The following MYO5B variants were observed in gnomAD, a reference collection of about 807,000 sequenced individuals.
MYO5B encodes unconventional myosin-Vb.
Under a neutral mutation model 229.3 loss-of-function variants are expected in MYO5B, and 143 were observed. The ratio of observed to expected loss-of-function variants is 0.62; its 90% CI spans 0.54 to 0.72. MYO5B has a LOEUF of 0.72. MYO5B is among the 30% of genes least tolerant of loss of function. MYO5B has a pLI of 0.00. For synonymous variants in MYO5B, 918 were observed against 885.2 expected (o/e 1.04, Z -0.66); for missense variants, 2,321 against 2,331.0 (o/e 1.00, Z 0.09).
At chr18:50,121,447 T>C (rs2032056709) in intron 1 of MYO5B, among the ~76,000 whole-genome samples, 1 of 152,184 alleles carries the variant, frequency 6.6e-6, no homozygotes, top group African/African-American at 2.4e-5. Flanking sequence ...CATGTGAAAA[T>C]TGGATTTACC....
At chr18:50,106,062 C>T (rs2031754539) in intron 1 of MYO5B, among the ~76,000 whole-genome samples, 2 of 152,126 alleles carry the variant, frequency 1.3e-5, no homozygotes, top group African/African-American at 2.4e-5. Context: ...CTGCATCCTC[C>T]GCCTGCTCCC....
At chr18:50,121,379 C>T (rs769480246) in intron 1 of MYO5B, among the ~76,000 whole-genome samples, 9 of 152,192 alleles carry the variant, frequency 5.9e-5, no homozygotes, top group Non-Finnish European at 1.0e-4. Context: ...ATTATAGTAT[C>T]AATGACCTTC....
At chr18:49,875,166 A>G (rs1208791667) in intron 26 of MYO5B, among the ~76,000 whole-genome samples, 3 of 152,174 alleles carry the variant, frequency 2.0e-5, no homozygotes, top group African/African-American at 4.8e-5. Context: ...TTTTGGGGCT[A>G]CTAAGATTTC....
chr18:49,864,483 G>T (rs578082578), intron 27 of MYO5B, 103 bp from the exon 28 acceptor site: 4 of 1,514,034 alleles, frequency 2.6e-6, no homozygotes, highest in Non-Finnish European at 2.7e-6. Flanking sequence ...GGGAAACTTC[G>T]CTCTTTAAAC....
At chr18:50,126,425 G>C (rs1229627926) in intron 1 of MYO5B, 1 of 154,772 alleles carries the variant, frequency 6.5e-6, no homozygotes, top group Non-Finnish European at 1.5e-5. Flanking sequence ...ATTCAATTAA[G>C]GCAGAGACCA....
chr18:50,044,332 G>A (rs943006521), intron 2 of MYO5B, among the ~76,000 whole-genome samples: 13 of 152,126 alleles, frequency 8.5e-5, no homozygotes, highest in Non-Finnish European at 1.8e-4. Flanking sequence ...AGCTAATATG[G>A]TTTTATTTGA....
At chr18:50,142,846 C>A (rs1416759566) in intron 1 of MYO5B, among the ~76,000 whole-genome samples, 1 of 152,144 alleles carries the variant, frequency 6.6e-6, no homozygotes, top group East Asian at 1.9e-4. Context: ...CGAGGCATAC[C>A]ATGTGAAATC....
Position 50,149,843 on chromosome 18 carries a change from C to A in MYO5B, c.27+44924G>T, listed in dbSNP as rs186051906. ...CAAAATTGACAAATGGGATCTAATTCAACTAAAGTGCTTCTGCACAGCAAA... is the reference window on the plus strand; with the variant it reads ...CAAAATTGACAAATGGGATCTAATTAAACTAAAGTGCTTCTGCACAGCAAA... On this transcript the variant is annotated intron_variant, in intron 1 of 39. Coordinates refer to ENST00000285039, the MANE Select transcript of MYO5B (RefSeq NM_001080467.3). Among the ~76,000 whole-genome samples the A allele has an allele frequency of 3.9e-3, 593 of 151,798 alleles. 6 individuals are homozygous for A. Among genetic ancestry groups the A allele is most frequent in the African/African-American group, 0.013 (543 of 41,324 alleles).
chr18:49,976,947 G>T (rs1428930632), intron 9 of MYO5B, among the ~76,000 whole-genome samples: 3 of 152,178 alleles, frequency 2.0e-5, no homozygotes, highest in African/African-American at 7.2e-5. Flanking sequence ...ATTCTTAATT[G>T]CTAGGCACGG....
At chr18:49,936,177 C>A (rs2025247434) in intron 16 of MYO5B, 75 bp downstream of exon 16, 5 of 1,320,506 alleles carry the variant, frequency 3.8e-6, no homozygotes, top group Non-Finnish European at 1.1e-6. Flanking sequence ...GACCCCCAGG[C>A]AAGGCCTGGG....
chr18:50,183,306 CATATATAT>C (rs71169486), intron 1 of MYO5B, among the ~76,000 whole-genome samples: 4,278 of 109,990 alleles, frequency 0.039, 152 homozygotes, highest in Non-Finnish European at 0.05. Context: ...TCAATTTTAT[CATATATAT>C]ATATATATAT....
Position 49,980,522 on chromosome 18 carries a change from A to G in MYO5B, c.978T>C (p.Phe326=). ...GGTGCAAGATAGAAGCAATTATCTTAAAAATGCTCATCTGATGGGACTCTT... is the reference window on the plus strand; with the variant it reads ...GGTGCAAGATAGAAGCAATTATCTTGAAAATGCTCATCTGATGGGACTCTT... The part of the protein sequence containing the change: ...GVKESHQMSI[F]KIIASILHLG... The change falls in exon 9 of 40, where the codon TTT becomes TTC. Residue 326 remains phenylalanine, a synonymous_variant. Coordinates refer to ENST00000285039, the MANE Select transcript of MYO5B (RefSeq NM_001080467.3). 1 of 1,613,846 alleles carries G rather than the reference A, an allele frequency of 6.2e-7. No homozygotes were observed. Among genetic ancestry groups the G allele is most frequent in the Non-Finnish European group, 8.5e-7 (1 of 1,179,702 alleles).
In MYO5B at chr18:49,895,184, A is replaced by G. The variant is rs1568021567; in HGVS notation, c.2812-10T>C. The G allele has an allele frequency of 1.2e-5, 20 of 1,605,274 alleles. No individual in the cohort carries two copies. Among genetic ancestry groups the G allele is most frequent in the Non-Finnish European group, 1.4e-5 (16 of 1,172,280 alleles). ...TCTTGAACTCTTTGTTCTGTGGAGA[A>G]CATCAGCAAACAAGGAGAAGGGAGA... On this transcript the variant is annotated splice_polypyrimidine_tract_variant and intron_variant, in intron 21 of 39. Coordinates refer to ENST00000285039, the MANE Select transcript of MYO5B (RefSeq NM_001080467.3).
At chr18:49,892,251 A>T (rs1377555282) in intron 22 of MYO5B, among the ~76,000 whole-genome samples, 1 of 152,228 alleles carries the variant, frequency 6.6e-6, no homozygotes, top group Non-Finnish European at 1.5e-5. Context: ...TACCCCGTGG[A>T]AGCGCCAAAA....
chr18:50,083,040 T>C (rs1019484482), intron 1 of MYO5B, among the ~76,000 whole-genome samples: 1 of 152,232 alleles, frequency 6.6e-6, no homozygotes, highest in African/African-American at 2.4e-5. Flanking sequence ...GGAGTTCCCA[T>C]GACCCTTTTC....
chr18:49,943,852 G>A (rs936727187), intron 14 of MYO5B, among the ~76,000 whole-genome samples: 6 of 152,162 alleles, frequency 3.9e-5, no homozygotes, highest in African/African-American at 1.4e-4. Context: ...CGACTAAATC[G>A]GGGGTCTGGG....
intron 1 of MYO5B, among the ~76,000 whole-genome samples, chr18:50,139,221 G>A (rs546085596): frequency 3.9e-5 from 6 of 152,254 alleles, no homozygotes; most frequent in Non-Finnish European, 8.8e-5. Flanking sequence ...GAGATGTGGG[G>A]GGCCCTGCAG....
chr18:49,888,358 A>G (rs568661458), intron 22 of MYO5B, among the ~76,000 whole-genome samples: 1 of 152,260 alleles, frequency 6.6e-6, no homozygotes, highest in Admixed American at 6.5e-5. Context: ...TCACTACAAT[A>G]AGGTGATTCA....
intron 1 of MYO5B, among the ~76,000 whole-genome samples, chr18:50,177,695 G>C (rs2033016238): frequency 6.6e-6 from 1 of 152,232 alleles, no homozygotes; most frequent in South Asian, 2.1e-4. Context: ...GCCCCCAAAT[G>C]ATGTGGGTCT....
Sources: gnomAD v4.1 joint callset for allele counts (sites outside exome capture counted in the v4.1 genomes callset) on GRCh38, gnomAD v4.1.1 for gene constraint, MANE v1.5 for transcripts, NCBI Gene and HGNC (gene_info 2026-07-23, HGNC 2026-07-21) for gene names.